PRKG2: variants seen among roughly 807,000 people sequenced by gnomAD.
PRKG2 encodes the protein protein kinase cGMP-dependent 2, also known as cGMP-dependent protein kinase 2.
In PRKG2, 33 loss-of-function variants were observed where a neutral mutation model predicts 97.2. That is an observed-to-expected ratio of 0.34 (90% CI 0.26 to 0.45). The LOEUF (loss-of-function observed/expected upper bound fraction) is 0.45. Among genes scored for constraint, PRKG2 ranks in the 20% least tolerant of loss-of-function variants. The pLI is 1.00. For synonymous variants in PRKG2, 330 were observed against 321.8 expected, an observed-to-expected ratio of 1.03 and a Z score of -0.27; for missense variants, 638 against 900.0, an observed-to-expected ratio of 0.71 and a Z score of 3.73.
intron 8 of PRKG2, 140 bp downstream of exon 8, chr4:81,151,820 A>G: frequency 1.6e-6 from 1 of 644,068 alleles, no homozygotes; most frequent in South Asian, 2.0e-5. Flanking sequence ...TAAAAATTTA[A>G]GAAATCACTT....
chr4:81,119,081 G>A (rs992896951), intron 14 of PRKG2, among the ~76,000 whole-genome samples: 1 of 152,176 alleles, frequency 6.6e-6, no homozygotes, highest in Non-Finnish European at 1.5e-5. Context: ...ACAGATATGT[G>A]CCACTGGGCC....
intron 15 of PRKG2, among the ~76,000 whole-genome samples, chr4:81,107,859 G>A (rs1743504170): frequency 6.6e-6 from 1 of 152,136 alleles, no homozygotes; most frequent in African/African-American, 2.4e-5. Flanking sequence ...CAAAGACTGA[G>A]AATTGGCCAC....
intron 5 of PRKG2, among the ~76,000 whole-genome samples, chr4:81,168,904 A>T (rs1056548315): frequency 6.6e-6 from 1 of 151,846 alleles, no homozygotes; most frequent in Non-Finnish European, 1.5e-5. Context: ...ATTATTATTA[A>T]TATTATTATT....
At chr4:81,144,594 T>TTTTATA (rs1449549040) in intron 9 of PRKG2, among the ~76,000 whole-genome samples, 1 of 131,328 alleles carries the variant, frequency 7.6e-6, no homozygotes, top group African/African-American at 3.8e-5. Flanking sequence ...GTATTTAAGG[T>TTTTATA]TATATATATA....
At chr4:81,201,727 ATTC>A (rs1753326800) in intron 2 of PRKG2, among the ~76,000 whole-genome samples, 2 of 152,260 alleles carry the variant, frequency 1.3e-5, no homozygotes, top group South Asian at 4.1e-4. Context: ...ATCAAATTTT[ATTC>A]TCTGGCTTCT....
intron 3 of PRKG2, among the ~76,000 whole-genome samples, chr4:81,173,245 G>A (rs1750646417): frequency 6.6e-6 from 1 of 152,050 alleles, no homozygotes; most frequent in Non-Finnish European, 1.5e-5. Flanking sequence ...CAGTCCTTGG[G>A]TGACACTACA....
chr4:81,189,073 A>T (rs1578498363), intron 2 of PRKG2, among the ~76,000 whole-genome samples: 1 of 107,484 alleles, frequency 9.3e-6, no homozygotes, highest in Non-Finnish European at 1.6e-5. Context: ...TAATAAAAAA[A>T]AAAAAAAAAA....
intron 3 of PRKG2, among the ~76,000 whole-genome samples, chr4:81,172,055 T>A (rs191138962): frequency 1.3e-3 from 190 of 151,610 alleles, no homozygotes; most frequent in South Asian, 7.1e-3. Flanking sequence ...TAATAATAAT[T>A]ATTATTATTA....
At chr4:81,149,089 A>G (rs1748132971) in intron 8 of PRKG2, 137 bp from the exon 9 acceptor site, 1 of 751,782 alleles carries the variant, frequency 1.3e-6, no homozygotes, top group African/African-American at 1.7e-5. Flanking sequence ...TTTAAACATC[A>G]TAATTTATAT....
Position 81,148,872 on chromosome 4 carries a change from C to T in PRKG2, c.1154+12G>A. 6.2e-7 allele frequency: 1 copy of T among 1,612,706 alleles called. No homozygotes were observed. The highest frequency in any genetic ancestry group is 2.2e-5 in the East Asian group (1 of 44,864). On this transcript the variant is annotated intron_variant, in intron 9 of 18. Transcript: ENST00000264399. ...GGCAGTGGCCTGCCTCCTCCAACATCAGTATACTCACTCTCGATCTATAAC... is the reference window on the plus strand; with the variant it reads ...GGCAGTGGCCTGCCTCCTCCAACATTAGTATACTCACTCTCGATCTATAAC...
At chr4:81,128,566 G>A (rs1398498604) in intron 14 of PRKG2, among the ~76,000 whole-genome samples, 1 of 152,188 alleles carries the variant, frequency 6.6e-6, no homozygotes, top group Non-Finnish European at 1.5e-5. Flanking sequence ...TTGGGAGGGT[G>A]TATGTGTCCA....
intron 4 of PRKG2, among the ~76,000 whole-genome samples, chr4:81,171,069 T>C (rs981869196): frequency 6.6e-6 from 1 of 152,134 alleles, no homozygotes; most frequent in South Asian, 2.1e-4. Flanking sequence ...GTTTCATAGA[T>C]AAACGTGTGC....
chr4:81,124,544 C>T (rs79333335), intron 14 of PRKG2, among the ~76,000 whole-genome samples: 3,995 of 152,260 alleles, frequency 0.026, 172 homozygotes, highest in African/African-American at 0.091. Context: ...GGATGACCCA[C>T]CCAGAGGGAA....
chr4:81,111,456 T>G (rs1383713429), intron 14 of PRKG2, among the ~76,000 whole-genome samples: 1 of 152,160 alleles, frequency 6.6e-6, no homozygotes, highest in African/African-American at 2.4e-5. Context: ...ATGATTAATA[T>G]TATATCATGT....
At chr4:81,150,916 T>C (rs1748334347) in intron 8 of PRKG2, among the ~76,000 whole-genome samples, 1 of 152,176 alleles carries the variant, frequency 6.6e-6, no homozygotes, top group African/African-American at 2.4e-5. Context: ...TATAAAGTGG[T>C]AAAGAAGAAT....
At chr4:81,118,923 T>G (rs538277326) in intron 14 of PRKG2, among the ~76,000 whole-genome samples, 1 of 152,126 alleles carries the variant, frequency 6.6e-6, no homozygotes, top group African/African-American at 2.4e-5. Flanking sequence ...GGCTCCCAAG[T>G]AGCTGGGACT....
chr4:81,108,520 G>A (rs762977712), intron 15 of PRKG2, among the ~76,000 whole-genome samples: 1 of 148,472 alleles, frequency 6.7e-6, no homozygotes, highest in Non-Finnish European at 1.5e-5. Context: ...CTATGCTCTG[G>A]AGTTCAGGGC....
chr4:81,134,106 G>A (rs1218224154), intron 14 of PRKG2, among the ~76,000 whole-genome samples: 1 of 152,046 alleles, frequency 6.6e-6, no homozygotes, highest in East Asian at 1.9e-4. Context: ...AGTGTTTCTT[G>A]GAAGTTAGCC....
At position 81,125,851 on chromosome 4, in the gene PRKG2, C is replaced by T. The variant is rs755031173; in HGVS notation, c.1776+9304G>A. Among the ~76,000 whole-genome samples the T allele has an allele frequency of 3.4e-4, 52 of 151,822 alleles. 1 individual carries two copies. Among genetic ancestry groups the T allele is most frequent in the Non-Finnish European group, 6.5e-4 (44 of 67,946 alleles). On this transcript the variant is annotated intron_variant, in intron 14 of 18. Coordinates refer to ENST00000264399, the MANE Select transcript of PRKG2 (RefSeq NM_006259.3). The stretch of plus-strand genomic sequence containing the variant: ...GATGCCTACTGACGTGACTTACTGA[C>T]GATTTCTATATTTTCTTTTGTGAAG...
Sources: gnomAD v4.1 joint callset for allele counts (sites outside exome capture counted in the v4.1 genomes callset) on GRCh38, gnomAD v4.1.1 for gene constraint, MANE v1.5 for transcripts, NCBI Gene and HGNC (gene_info 2026-07-23, HGNC 2026-07-21) for gene names.